Variants in CDH13 observed in about 807,000 individuals in gnomAD.
CDH13 encodes the protein cadherin-13.
Under a neutral mutation model 63.8 loss-of-function variants are expected in CDH13, and 24 were observed. That is an observed-to-expected ratio of 0.38 (90% CI 0.27 to 0.53). The LOEUF (loss-of-function observed/expected upper bound fraction) is 0.53, where lower values mean the gene tolerates loss of function less well. Ranked by LOEUF, CDH13 falls within the 20% of genes least tolerant of loss-of-function variation. The pLI is 0.85. For missense variants in CDH13, 1,049 were observed against 903.1 expected (o/e 1.16, Z -2.07); for synonymous variants, 503 against 355.3 (o/e 1.42, Z -4.67).
At chr16:83,565,370 C>G (rs963599056) in intron 7 of CDH13, among the ~76,000 whole-genome samples, 3 of 140,448 alleles carry the variant, frequency 2.1e-5, no homozygotes, top group African/African-American at 8.0e-5. Context: ...ATTTCCGTTC[C>G]TCTTCCACTG....
At chr16:83,693,505 A>T (rs1385796535) in intron 10 of CDH13, among the ~76,000 whole-genome samples, 3 of 152,174 alleles carry the variant, frequency 2.0e-5, no homozygotes, top group Non-Finnish European at 4.4e-5. Flanking sequence ...CGGGTACCTC[A>T]CTGCTTAAAT....
intron 1 of CDH13, among the ~76,000 whole-genome samples, chr16:82,776,751 T>C (rs1033451185): frequency 2.0e-5 from 3 of 152,190 alleles, no homozygotes; most frequent in Admixed American, 1.3e-4. Context: ...AAAGCAGAAC[T>C]GATTTGAGGT....
At chr16:83,564,407 TTTTTTTTTG>T (rs1025406020) in intron 7 of CDH13, among the ~76,000 whole-genome samples, 11 of 7,568 alleles carry the variant, frequency 1.5e-3, no homozygotes, top group Non-Finnish European at 3.1e-3. Context: ...TCTTTTTTTT[TTTTTTTTTG>T]TTTTTGTTTT....
chr16:83,283,497 A>T (rs528513958), intron 5 of CDH13, among the ~76,000 whole-genome samples: 1 of 152,320 alleles, frequency 6.6e-6, no homozygotes, highest in Non-Finnish European at 1.5e-5. Context: ...AGGCTGAGAC[A>T]TGAGAATCAC....
intron 4 of CDH13, among the ~76,000 whole-genome samples, chr16:83,135,340 C>G (rs929470800): frequency 6.6e-6 from 1 of 152,304 alleles, no homozygotes; most frequent in Admixed American, 6.5e-5. Flanking sequence ...TGTGTGAATG[C>G]TTAAAGCTTC....
At chr16:82,800,454 G>C (rs1052264937) in intron 1 of CDH13, among the ~76,000 whole-genome samples, 1 of 152,122 alleles carries the variant, frequency 6.6e-6, no homozygotes, top group Non-Finnish European at 1.5e-5. Flanking sequence ...GGGATCTATG[G>C]AACAGAGATC....
intron 2 of CDH13, among the ~76,000 whole-genome samples, chr16:82,986,588 C>T (rs1441469393): frequency 1.3e-5 from 2 of 152,204 alleles, no homozygotes; most frequent in Non-Finnish European, 2.9e-5. Context: ...GGATTTAACT[C>T]TAGACTATTG....
At chr16:83,699,188 A>G (rs772160966) in intron 10 of CDH13, among the ~76,000 whole-genome samples, 1 of 152,224 alleles carries the variant, frequency 6.6e-6, no homozygotes, top group African/African-American at 2.4e-5. Flanking sequence ...TGCTAACCAG[A>G]TGAAAGGTGA....
At chr16:83,444,024 G>A (rs1043909876) in intron 6 of CDH13, among the ~76,000 whole-genome samples, 3 of 150,664 alleles carry the variant, frequency 2.0e-5, no homozygotes, top group African/African-American at 7.3e-5. Context: ...GAAGGTGATG[G>A]CGATGATCAT....
chr16:82,914,865 A>G (rs2041938189), intron 2 of CDH13, among the ~76,000 whole-genome samples: 1 of 152,230 alleles, frequency 6.6e-6, no homozygotes, highest in Non-Finnish European at 1.5e-5. Flanking sequence ...ATTATTTATA[A>G]CAGCATTAAA....
At chr16:82,824,304 G>A (rs959089077) in intron 1 of CDH13, 7 of 134,198 alleles carry the variant, frequency 5.2e-5, no homozygotes, top group Middle Eastern at 3.8e-3. Context: ...TTTTAGAAAC[G>A]GAAAGGAAAA....
chr16:83,419,367 T>C (rs977234440), intron 6 of CDH13, among the ~76,000 whole-genome samples: 50 of 152,340 alleles, frequency 3.3e-4, no homozygotes, highest in African/African-American at 1.2e-3. Flanking sequence ...AACTACTATA[T>C]GGGAGGCCCA....
At chr16:82,718,624 C>G (rs2032551005) in intron 1 of CDH13, among the ~76,000 whole-genome samples, 1 of 152,144 alleles carries the variant, frequency 6.6e-6, no homozygotes, top group African/African-American at 2.4e-5. Context: ...TTAACAGACT[C>G]ACAGTGCTGG....
chr16:83,601,440 G>A (rs1177553159), intron 7 of CDH13, among the ~76,000 whole-genome samples: 1 of 152,180 alleles, frequency 6.6e-6, no homozygotes, highest in Non-Finnish European at 1.5e-5. Flanking sequence ...AGAGAATAGT[G>A]CAATATTGCT....
chr16:82,739,957 A>G (rs1009569338), intron 1 of CDH13, among the ~76,000 whole-genome samples: 1 of 152,234 alleles, frequency 6.6e-6, no homozygotes, highest in African/African-American at 2.4e-5. Context: ...ATCTCCAGAT[A>G]TTCAAAACTA....
intron 6 of CDH13, among the ~76,000 whole-genome samples, chr16:83,442,358 C>A (rs536311206): frequency 4.6e-5 from 7 of 152,296 alleles, no homozygotes; most frequent in Non-Finnish European, 8.8e-5. Flanking sequence ...CTGCCTCCCA[C>A]CTCCATGAGC....
chr16:83,673,835 A>G (rs557051734), intron 9 of CDH13, among the ~76,000 whole-genome samples: 2 of 152,218 alleles, frequency 1.3e-5, no homozygotes, highest in African/African-American at 4.8e-5. Flanking sequence ...CCTTAGGGGA[A>G]GCAGTTTCCA....
intron 1 of CDH13, among the ~76,000 whole-genome samples, chr16:82,803,409 C>A (rs544564366): frequency 6.6e-6 from 1 of 152,128 alleles, no homozygotes; most frequent in Non-Finnish European, 1.5e-5. Context: ...TCTTAGCATG[C>A]GAGGCTCAAA....
intron 5 of CDH13, among the ~76,000 whole-genome samples, chr16:83,302,283 T>C (rs548976456): frequency 2.6e-5 from 4 of 152,256 alleles, no homozygotes; most frequent in Non-Finnish European, 5.9e-5. Flanking sequence ...TTTAACCTCC[T>C]GTTGCTTCAG....
Sources: gnomAD v4.1 joint callset for allele counts (sites outside exome capture counted in the v4.1 genomes callset) on GRCh38, gnomAD v4.1.1 for gene constraint, MANE v1.5 for transcripts, NCBI Gene and HGNC (gene_info 2026-07-23, HGNC 2026-07-21) for gene names.